The following PRKG2 variants were observed in gnomAD, a reference collection of about 807,000 sequenced individuals.
PRKG2 encodes cGMP-dependent protein kinase 2.
In PRKG2, 33 loss-of-function variants were observed where a neutral mutation model predicts 97.2. The ratio of observed to expected loss-of-function variants is 0.34; its 90% CI spans 0.26 to 0.45. The LOEUF (loss-of-function observed/expected upper bound fraction) is 0.45, where lower values mean the gene tolerates loss of function less well. Ranked by LOEUF, PRKG2 falls within the 20% of genes least tolerant of loss-of-function variation. The pLI is 1.00. For synonymous variants in PRKG2, 330 were observed against 321.8 expected (o/e 1.03, Z -0.27); for missense variants, 638 against 900.0 (o/e 0.71, Z 3.73).
In PRKG2 at chr4:81,183,844, G is replaced by T. The variant is rs545932235; in HGVS notation, c.462-8885C>A. On this transcript the variant is annotated intron_variant, in intron 2 of 18. Transcript: ENST00000264399. ...TGCCATTATTAAGGCTTCAGTAGGC[G>T]GTTTTCCCCTCATAGTGAAAACAAA... Among the ~76,000 whole-genome samples, 4 of 152,110 alleles carry T rather than the reference G, an allele frequency of 2.6e-5. 1 individual carries two copies. In the South Asian group the frequency reaches 8.3e-4, roughly 32 times the overall value.
chr4:81,167,255 C>A (rs1382096661), intron 5 of PRKG2, 31 bp from the exon 6 acceptor site: 3 of 1,406,808 alleles, frequency 2.1e-6, no homozygotes, highest in East Asian at 2.3e-5. Flanking sequence ...CTTCAATTAC[C>A]TTCCTGAATT....
intron 10 of PRKG2, 89 bp downstream of exon 10, chr4:81,144,143 C>T: frequency 8.2e-7 from 1 of 1,223,696 alleles, no homozygotes; most frequent in Non-Finnish European, 1.2e-6. Context: ...TTAAAAGTTA[C>T]CACACAGCAA....
chr4:81,104,616 C>T (rs1336157119), intron 16 of PRKG2, among the ~76,000 whole-genome samples, 184 bp from the exon 17 acceptor site: 2 of 151,962 alleles, frequency 1.3e-5, no homozygotes, highest in Non-Finnish European at 2.9e-5. Flanking sequence ...TGAAAAGACA[C>T]GACCTCCTCC....
chr4:81,198,796 C>T (rs1753119069), intron 2 of PRKG2, among the ~76,000 whole-genome samples: 1 of 152,160 alleles, frequency 6.6e-6, no homozygotes, highest in African/African-American at 2.4e-5. Context: ...TAATAGCCAA[C>T]CAATAACTTA....
At position 81,142,967 on chromosome 4, in the gene PRKG2, C is replaced by T. The variant is rs759293867; in HGVS notation, c.1254-20G>A. 15 of 1,589,024 alleles carry T rather than the reference C, an allele frequency of 9.4e-6. No individual in the cohort carries two copies. Among genetic ancestry groups the T allele is most frequent in the Non-Finnish European group, 1.2e-5 (14 of 1,163,576 alleles). On this transcript the variant is annotated intron_variant, in intron 10 of 18. Coordinates refer to ENST00000264399, the MANE Select transcript of PRKG2 (RefSeq NM_006259.3). ...GACCGCCTGTACAAGAGAAGTGAAA[C>T]TTTACACACACACACCCATAATTAA...
intron 1 of PRKG2, among the ~76,000 whole-genome samples, chr4:81,207,142 G>A (rs115464259): frequency 1.3e-5 from 2 of 152,138 alleles, no homozygotes; most frequent in African/African-American, 4.8e-5. Flanking sequence ...AAGCAATTCA[G>A]AATATGTTAT....
intron 13 of PRKG2, among the ~76,000 whole-genome samples, chr4:81,136,628 T>C (rs1029992100): frequency 6.6e-6 from 1 of 152,114 alleles, no homozygotes; most frequent in Non-Finnish European, 1.5e-5. Context: ...CTTTCCAAAT[T>C]TGGGTCATGT....
intron 9 of PRKG2, among the ~76,000 whole-genome samples, chr4:81,145,904 G>A (rs1390186160): frequency 6.6e-6 from 1 of 152,066 alleles, no homozygotes; most frequent in Non-Finnish European, 1.5e-5. Context: ...TCAACTTACT[G>A]CCTCTACCCA....
chr4:81,153,625 A>C lies in PRKG2; in HGVS notation c.990+19T>G. 6.5e-7 allele frequency: 1 copy of C among 1,534,830 alleles called. No individual in the cohort carries two copies. The highest frequency in any genetic ancestry group is 9.0e-7 in the Non-Finnish European group (1 of 1,111,062). Reference sequence around the variant, plus strand: ...TTAAAATAATCTTTTTTATTTAGTAAGTTTTAATTAATAGTTACCTTTCCT... The same window carrying C: ...TTAAAATAATCTTTTTTATTTAGTACGTTTTAATTAATAGTTACCTTTCCT... On this transcript the variant is annotated intron_variant, in intron 7 of 18. Transcript: ENST00000264399.
chr4:81,103,302 CT>C (rs1207254545), intron 17 of PRKG2, among the ~76,000 whole-genome samples: 2 of 152,012 alleles, frequency 1.3e-5, no homozygotes, highest in Non-Finnish European at 2.9e-5. Flanking sequence ...AATGCTATCC[CT>C]CCCCGCTCCC....
At chr4:81,217,055 G>GTA (rs1410182031), upstream of PRKG2, among the ~76,000 whole-genome samples, 1 of 98,080 alleles carries the variant, frequency 1.0e-5, no homozygotes, top group Non-Finnish European at 2.1e-5. Context: ...ATATATATAT[G>GTA]TGTATATATA....
chr4:81,105,854 C>G lies in PRKG2; in HGVS notation c.2022G>C (p.Lys674Asn). 1.2e-6 allele frequency: 2 copies of G among 1,613,862 alleles called. No homozygotes were observed. The highest frequency in any genetic ancestry group is 1.7e-6 in the Non-Finnish European group (2 of 1,179,824). ...TCAAATCCTCAGGTCGTCGTGTTAT[C>G]TTCCTGGGAAAATCCATTTTTTCAA... ...KGIEKMDFPRKITRRPEDLIR... is the reference protein window; with the variant it reads ...KGIEKMDFPRNITRRPEDLIR... The change falls in exon 16 of 19, where the codon AAG becomes AAC. Residue 674 changes from lysine to asparagine, a missense_variant. Lys to Asn is a moderately conservative substitution (Grantham distance 94). Transcript: ENST00000264399.
intron 7 of PRKG2, among the ~76,000 whole-genome samples, chr4:81,152,894 T>G (rs1716457167): frequency 6.6e-6 from 1 of 152,196 alleles, no homozygotes; most frequent in African/African-American, 2.4e-5. Context: ...AAATTCAAAG[T>G]TCAACCACAA....
chr4:81,110,727 GCACACACA>G (rs145649671), intron 14 of PRKG2, 116 bp from the exon 15 acceptor site: 2 of 741,848 alleles, frequency 2.7e-6, no homozygotes, highest in African/African-American at 2.0e-5. Flanking sequence ...TTTATACCAT[GCACACACA>G]CACACACACA....
chr4:81,195,356 T>C (rs142959665), intron 2 of PRKG2, among the ~76,000 whole-genome samples: 12 of 152,316 alleles, frequency 7.9e-5, no homozygotes, highest in African/African-American at 2.9e-4. Flanking sequence ...GCTGTCAAGT[T>C]AGCCTCAGTG....
At chr4:81,179,056 C>T (rs1751177069) in intron 2 of PRKG2, among the ~76,000 whole-genome samples, 1 of 151,408 alleles carries the variant, frequency 6.6e-6, no homozygotes, top group African/African-American at 2.4e-5. Flanking sequence ...ACCCGGGAGG[C>T]AGAGGTTGCA....
intron 6 of PRKG2, among the ~76,000 whole-genome samples, chr4:81,161,825 T>C (rs1213698477): frequency 6.6e-6 from 1 of 152,130 alleles, no homozygotes; most frequent in Non-Finnish European, 1.5e-5. Context: ...AGCCAATTAA[T>C]GATAATCTAT....
chr4:81,121,385 A>G (rs1745054514), intron 14 of PRKG2, among the ~76,000 whole-genome samples: 1 of 152,026 alleles, frequency 6.6e-6, no homozygotes. Context: ...ATAATTTCTT[A>G]TGTAAATGTT....
At chr4:81,109,112 A>C (rs1259123404) in intron 15 of PRKG2, among the ~76,000 whole-genome samples, 1 of 152,198 alleles carries the variant, frequency 6.6e-6, no homozygotes, top group African/African-American at 2.4e-5. Flanking sequence ...GAATGACTGA[A>C]TATTTTCTCT....
Sources: allele counts gnomAD v4.1 joint callset (sites outside exome capture counted in the v4.1 genomes callset), GRCh38; gene constraint gnomAD v4.1.1; transcripts MANE v1.5; gene names NCBI Gene and HGNC (gene_info 2026-07-23, HGNC 2026-07-21).